Variants in ZFPM1 observed in about 807,000 individuals in gnomAD.
ZFPM1 encodes zinc finger protein, FOG family member 1, also known as zinc finger protein ZFPM1.
In ZFPM1, 28 loss-of-function variants were observed where a neutral mutation model predicts 46.3. The observed-to-expected ratio is 0.60, with a 90% CI of 0.45 to 0.83. ZFPM1 has a LOEUF of 0.83. Among genes scored for constraint, ZFPM1 ranks in the 40% least tolerant of loss-of-function variants. The probability of loss-of-function intolerance (pLI) is 0.00; values close to 1 mark genes in which losing one functional copy is unlikely to be tolerated. For synonymous variants in ZFPM1, 957 were observed against 675.9 expected (o/e 1.42, Z -6.45); for missense variants, 1,878 against 1,432.4 (o/e 1.31, Z -5.02).
Position 88,536,849 on chromosome 16 carries a change from CT to C in ZFPM1, c.*1871del, listed in dbSNP as rs1913265802. 6.6e-6 allele frequency: 1 copy of C among 152,284 alleles called. No individual in the cohort carries two copies. Among genetic ancestry groups the C allele is most frequent in the African/African-American group, 2.4e-5 (1 of 41,444 alleles). The allele number at this position is 152,284 out of a possible 1,614,324, so 9.4% of individuals were successfully genotyped here. On this transcript the variant is annotated 3_prime_UTR_variant, in exon 10 of 10. Coordinates refer to ENST00000319555, the MANE Select transcript of ZFPM1 (RefSeq NM_153813.3). Reference sequence around the variant, plus strand: ...GACGGGAGGCACGGACCCCTCAAGTCTGCTCATCATTTGCATTGTTGTGCAT... The same window carrying C: ...GACGGGAGGCACGGACCCCTCAAGTCGCTCATCATTTGCATTGTTGTGCAT...
intron 1 of ZFPM1, among the ~76,000 whole-genome samples, chr16:88,472,558 T>C (rs890237196): frequency 6.6e-6 from 1 of 152,152 alleles, no homozygotes; most frequent in African/African-American, 2.4e-5. Context: ...TTCACCCTGT[T>C]GGCCAGGATG....
chr16:88,474,920 A>C (rs898914518), intron 1 of ZFPM1, among the ~76,000 whole-genome samples: 3 of 152,144 alleles, frequency 2.0e-5, no homozygotes, highest in Non-Finnish European at 4.4e-5. Context: ...AGATGTGTAA[A>C]CCAGGACCTG....
At chr16:88,522,353 C>A (rs34800551) in intron 4 of ZFPM1, among the ~76,000 whole-genome samples, 1 of 152,182 alleles carries the variant, frequency 6.6e-6, no homozygotes, top group Non-Finnish European at 1.5e-5. Flanking sequence ...GAAAGACGGG[C>A]TGGGGCCTCA....
At position 88,480,059 on chromosome 16, in the gene ZFPM1, G is replaced by C. The variant is rs1368802817; in HGVS notation, c.41-5880G>C. On this transcript the variant is annotated intron_variant, in intron 1 of 9. Coordinates refer to ENST00000319555, the MANE Select transcript of ZFPM1 (RefSeq NM_153813.3). This position sits in a 1 kb window ranked among gnomAD's most constrained non-coding sequence, Gnocchi z 4.9. ...ACGCCAGCCTTTGGCAAGACAGTTT[G>C]ATCCGCTGAAACCAGGCTCAGGGAG... 6.6e-6 allele frequency among the ~76,000 whole-genome samples: 1 copy of C among 151,968 alleles called. No individual in the cohort carries two copies. Among genetic ancestry groups the C allele is most frequent in the East Asian group, 1.9e-4 (1 of 5,186 alleles).
chr16:88,493,063 A>AGAGCTATCCCGGGGTGCGGG (rs1909679463), intron 3 of ZFPM1, among the ~76,000 whole-genome samples: 2 of 121,390 alleles, frequency 1.6e-5, no homozygotes, highest in South Asian at 5.6e-4. Flanking sequence ...CGGGGTGCGG[A>AGAGCTATCCCGGGGTGCGGG]GAGCTGTCCC....
intron 1 of ZFPM1, among the ~76,000 whole-genome samples, chr16:88,464,612 G>A (rs991445842): frequency 5.9e-5 from 9 of 152,178 alleles, no homozygotes; most frequent in African/African-American, 7.2e-5. Context: ...CCCTACCCCC[G>A]CCATGGCAAT....
At chr16:88,483,540 C>A (rs1488157414) in intron 1 of ZFPM1, among the ~76,000 whole-genome samples, 1 of 152,216 alleles carries the variant, frequency 6.6e-6, no homozygotes, top group East Asian at 1.9e-4. Context: ...CTACCGGCGG[C>A]AGCCCCTCCC....
At chr16:88,454,271 G>A (rs1307027441) in intron 1 of ZFPM1, among the ~76,000 whole-genome samples, 1 of 152,144 alleles carries the variant, frequency 6.6e-6, no homozygotes, top group Non-Finnish European at 1.5e-5. Context: ...AGGGGAGGGG[G>A]TAGCGCGCAG....
intron 4 of ZFPM1, among the ~76,000 whole-genome samples, chr16:88,516,845 C>G (rs563636019): frequency 6.8e-4 from 103 of 152,292 alleles, no homozygotes; most frequent in Non-Finnish European, 1.2e-3. Flanking sequence ...TGACCCTCCC[C>G]GCTGGCCTCC....
intron 2 of ZFPM1, among the ~76,000 whole-genome samples, chr16:88,486,266 C>T (rs1909219395): frequency 6.6e-6 from 1 of 152,232 alleles, no homozygotes; most frequent in African/African-American, 2.4e-5. Flanking sequence ...CATGTGCAGC[C>T]TGAAATCCAG....
rs1473064316 is a variant in ZFPM1 at position 88,469,646 on chromosome 16, C to T, written c.40+15968C>T. Among the ~76,000 whole-genome samples, 1 of 152,186 alleles carries T rather than the reference C, an allele frequency of 6.6e-6. No individual in the cohort carries two copies. Among genetic ancestry groups the T allele is most frequent in the Non-Finnish European group, 1.5e-5 (1 of 68,030 alleles). On this transcript the variant is annotated intron_variant, in intron 1 of 9. Transcript: ENST00000319555. This position sits in a 1 kb window ranked among gnomAD's most constrained non-coding sequence, Gnocchi z 4.3. ...TGGCAAGACCAGGATGAGGCAGGCT[C>T]CGCCGGCCTGAGACCTGGCTGGAGG... is the stretch of plus-strand genomic sequence containing the variant.
chr16:88,520,866 TGGAC>T (rs1389191514), intron 4 of ZFPM1, among the ~76,000 whole-genome samples: 48 of 62,226 alleles, frequency 7.7e-4, no homozygotes, highest in African/African-American at 2.9e-3. Context: ...GGTGGATGGA[TGGAC>T]GGATGGATGG....
chr16:88,503,651 C>T, intron 3 of ZFPM1, among the ~76,000 whole-genome samples: 1 of 152,184 alleles, frequency 6.6e-6, no homozygotes, highest in East Asian at 1.9e-4. Flanking sequence ...GTGATCGGTG[C>T]CATGGCAGCA....
chr16:88,496,812 T>C (rs113700517), intron 3 of ZFPM1, among the ~76,000 whole-genome samples: 12 of 152,262 alleles, frequency 7.9e-5, no homozygotes, highest in Admixed American at 3.3e-4. Context: ...ACTCCTGGTA[T>C]ACAGGGTCTC....
At chr16:88,516,567 T>C in intron 4 of ZFPM1, 1 of 398,688 alleles carries the variant, frequency 2.5e-6, no homozygotes, top group Non-Finnish European at 4.4e-6. Flanking sequence ...AGCGAGGCGC[T>C]ATCTCCGCCT....
rs748976196 is a variant in ZFPM1 at position 88,534,407 on chromosome 16, C to G, written c.2449C>G (p.His817Asp). 7 of 1,483,934 alleles carry G rather than the reference C, an allele frequency of 4.7e-6. No individual in the cohort carries two copies. The highest frequency in any genetic ancestry group is 6.2e-6 in the Non-Finnish European group (7 of 1,123,822). The allele number at this position is 1,483,934 out of a possible 1,614,324, so 91.9% of individuals were successfully genotyped here. ...GAPAPALADY[H>D]ECTACRVSFH... ...CCCGGCACCGGCGCTGGCCGACTACCACGAGTGCACGGCCTGCCGCGTGAG... is the reference window on the plus strand; with the variant it reads ...CCCGGCACCGGCGCTGGCCGACTACGACGAGTGCACGGCCTGCCGCGTGAG... Residue 817 changes from histidine (H) to aspartate (D), a missense_variant, in exon 10 of 10, where the codon CAC (histidine) becomes GAC (aspartate). Physicochemically the swap from His to Asp is moderately conservative, Grantham distance 81 (BLOSUM62 -1). Coordinates refer to ENST00000319555, the MANE Select transcript of ZFPM1 (RefSeq NM_153813.3).
intron 1 of ZFPM1, among the ~76,000 whole-genome samples, chr16:88,455,611 C>T (rs2142333102): frequency 6.7e-6 from 1 of 150,124 alleles, no homozygotes; most frequent in Admixed American, 6.6e-5. Context: ...GGGGGCCGAG[C>T]GCTTCGGGCC....
At chr16:88,453,761 C>G (rs975150392) in intron 1 of ZFPM1, 83 bp downstream of exon 1, 1 of 865,888 alleles carries the variant, frequency 1.2e-6, no homozygotes, top group South Asian at 4.8e-5. Context: ...CCGCCCGTCC[C>G]CGCTCTGCCC....
chr16:88,531,612 C>T (rs1346541871), intron 6 of ZFPM1, among the ~76,000 whole-genome samples: 1 of 152,266 alleles, frequency 6.6e-6, no homozygotes, highest in African/African-American at 2.4e-5. Context: ...TCTGTACACA[C>T]ACGTTTCCTC....
Sources: allele counts gnomAD v4.1 joint callset (sites outside exome capture counted in the v4.1 genomes callset), GRCh38; gene constraint gnomAD v4.1.1; non-coding constraint Gnocchi (gnomAD v3.1); transcripts MANE v1.5; gene names NCBI Gene and HGNC (gene_info 2026-07-23, HGNC 2026-07-21).